The following GXYLT2 variants were observed in gnomAD, a reference collection of about 807,000 sequenced individuals.
GXYLT2 encodes the protein glucoside xylosyltransferase 2.
Under a neutral mutation model 45.8 loss-of-function variants are expected in GXYLT2, and 53 were observed. That is an observed-to-expected ratio of 1.16 (90% CI 0.93 to 1.46). The LOEUF (loss-of-function observed/expected upper bound fraction) is 1.46. GXYLT2 is among the 40% of genes most tolerant of loss of function. The probability of loss-of-function intolerance (pLI) is 0.00; values close to 1 mark genes in which losing one functional copy is unlikely to be tolerated. For missense variants in GXYLT2, 551 were observed against 544.4 expected, an observed-to-expected ratio of 1.01 and a Z score of -0.12; for synonymous variants, 219 against 214.2, an observed-to-expected ratio of 1.02 and a Z score of -0.19.
At chr3:72,965,209 A>T (rs1034387505) in intron 5 of GXYLT2, among the ~76,000 whole-genome samples, 3 of 152,208 alleles carry the variant, frequency 2.0e-5, no homozygotes, top group Admixed American at 6.6e-5. Flanking sequence ...TTGATAAAGG[A>T]TGCCTAAATG....
intron 3 of GXYLT2, among the ~76,000 whole-genome samples, chr3:72,951,190 G>GA (rs1710516936): frequency 7.1e-6 from 1 of 141,262 alleles, no homozygotes; most frequent in Non-Finnish European, 1.5e-5. Flanking sequence ...ATCAAAAAGT[G>GA]ATTTTTTTTT....
chr3:72,915,229 A>G (rs1262504121), intron 2 of GXYLT2, among the ~76,000 whole-genome samples: 3 of 150,680 alleles, frequency 2.0e-5, no homozygotes, highest in Non-Finnish European at 2.9e-5. Flanking sequence ...CATGGTGAGG[A>G]GTTGTTTTTT....
At chr3:72,909,241 G>A (rs1274343790) in intron 2 of GXYLT2, among the ~76,000 whole-genome samples, 1 of 151,048 alleles carries the variant, frequency 6.6e-6, no homozygotes, top group Non-Finnish European at 1.5e-5. Flanking sequence ...GCTAATTTTT[G>A]TATTTTTAGT....
chr3:72,926,906 C>T (rs1416044630), intron 3 of GXYLT2: 1 of 152,134 alleles, frequency 6.6e-6, no homozygotes, highest in Non-Finnish European at 1.5e-5. Context: ...TGTCTGATGT[C>T]TTTTTTGCTC....
chr3:72,919,274 A>G (rs908672154), intron 2 of GXYLT2, among the ~76,000 whole-genome samples: 3 of 152,226 alleles, frequency 2.0e-5, no homozygotes, highest in African/African-American at 7.2e-5. Context: ...ACTGTGATAT[A>G]TTCATACCAT....
chr3:72,932,288 C>G (rs141594356), intron 3 of GXYLT2, among the ~76,000 whole-genome samples: 1 of 152,060 alleles, frequency 6.6e-6, no homozygotes, highest in Non-Finnish European at 1.5e-5. Flanking sequence ...AAACTCCTAA[C>G]CTCAGTTGAT....
At chr3:72,898,253 T>TC (rs138934819) in intron 1 of GXYLT2, among the ~76,000 whole-genome samples, 2 of 152,096 alleles carry the variant, frequency 1.3e-5, no homozygotes, top group African/African-American at 4.8e-5. Flanking sequence ...TTTCTTCGTT[T>TC]CCCCCCTCTA....
At chr3:72,893,111 T>TG (rs1368187176) in intron 1 of GXYLT2, among the ~76,000 whole-genome samples, 1 of 152,168 alleles carries the variant, frequency 6.6e-6, no homozygotes, top group East Asian at 1.9e-4. Flanking sequence ...GTAGACCAGA[T>TG]GGGGTCCACC....
chr3:72,971,624 C>T (rs1244393265), intron 6 of GXYLT2, among the ~76,000 whole-genome samples: 2 of 152,164 alleles, frequency 1.3e-5, no homozygotes, highest in Non-Finnish European at 2.9e-5. Flanking sequence ...GCTTTTAGTA[C>T]AGAGCCTGAC....
At chr3:72,914,075 G>A (rs1709684659) in intron 2 of GXYLT2, among the ~76,000 whole-genome samples, 1 of 151,758 alleles carries the variant, frequency 6.6e-6, no homozygotes, top group Non-Finnish European at 1.5e-5. Flanking sequence ...GCAACCCAGG[G>A]TTTTTTTTGG....
intron 3 of GXYLT2, among the ~76,000 whole-genome samples, chr3:72,938,857 C>T (rs1710241500): frequency 6.6e-6 from 1 of 152,142 alleles, no homozygotes; most frequent in South Asian, 2.1e-4. Flanking sequence ...TTAGAAGAAC[C>T]ATCTTGAACA....
intron 1 of GXYLT2, among the ~76,000 whole-genome samples, chr3:72,905,484 G>A (rs1709493799): frequency 1.3e-5 from 2 of 152,070 alleles, no homozygotes; most frequent in African/African-American, 4.8e-5. Context: ...CTGCTATATG[G>A]TATTCACTTT....
In GXYLT2 at chr3:72,961,659, C is replaced by CAAA. The variant is rs771569626; in HGVS notation, c.976+4321_976+4323dup. Among the ~76,000 whole-genome samples the CAAA allele has an allele frequency of 2.9e-4, 27 of 94,708 alleles. No individual in the cohort carries two copies. In the South Asian group the frequency reaches 2.9e-3, roughly 10 times the overall value. The allele number at this position is 94,708 out of a possible 152,430, so 62.1% of individuals were successfully genotyped here. On this transcript the variant is annotated intron_variant, in intron 5 of 6. Transcript: ENST00000389617. ...TCTGTTTCCTAATTTGAATTCTTAG[C>CAAA]AAAAAAAAAAAAAAAAGAGAGAGAG... is the stretch of plus-strand genomic sequence containing the variant.
intron 5 of GXYLT2, among the ~76,000 whole-genome samples, chr3:72,964,252 C>T (rs1710818905): frequency 6.6e-6 from 1 of 152,122 alleles, no homozygotes; most frequent in African/African-American, 2.4e-5. Context: ...TTGTTTTCTG[C>T]CTTGGAGTGC....
intron 2 of GXYLT2, among the ~76,000 whole-genome samples, chr3:72,918,223 A>C (rs1709773296): frequency 6.6e-6 from 1 of 152,218 alleles, no homozygotes; most frequent in African/African-American, 2.4e-5. Flanking sequence ...TTTTAAAACT[A>C]TTTTAGAATG....
At chr3:72,916,527 A>G (rs985397642) in intron 2 of GXYLT2, among the ~76,000 whole-genome samples, 1 of 151,492 alleles carries the variant, frequency 6.6e-6, no homozygotes, top group Admixed American at 6.6e-5. Flanking sequence ...GACTGATGCA[A>G]CTGAGTTTGT....
intron 1 of GXYLT2, among the ~76,000 whole-genome samples, chr3:72,900,116 A>G (rs1709375048): frequency 6.6e-6 from 1 of 152,214 alleles, no homozygotes; most frequent in Admixed American, 6.5e-5. Flanking sequence ...CACTTTAATA[A>G]TTCAGTGTGT....
At chr3:72,899,828 C>G (rs114143956) in intron 1 of GXYLT2, among the ~76,000 whole-genome samples, 1 of 152,292 alleles carries the variant, frequency 6.6e-6, no homozygotes, top group South Asian at 2.1e-4. Context: ...CTAATCTATT[C>G]TTCCCATAAG....
chr3:72,954,118 A>G (rs1393396282), intron 3 of GXYLT2, among the ~76,000 whole-genome samples: 2 of 151,878 alleles, frequency 1.3e-5, no homozygotes, highest in African/African-American at 2.4e-5. Context: ...TTAATTTTTT[A>G]TTTTGAAATG....
Sources: allele counts gnomAD v4.1 joint callset (sites outside exome capture counted in the v4.1 genomes callset), GRCh38; gene constraint gnomAD v4.1.1; transcripts MANE v1.5; gene names NCBI Gene and HGNC (gene_info 2026-07-23, HGNC 2026-07-21).